KCNIP4: variants seen among roughly 807,000 people sequenced by gnomAD.
KCNIP4 encodes Kv channel-interacting protein 4.
Under a neutral mutation model 34.0 loss-of-function variants are expected in KCNIP4, and 12 were observed. That is an observed-to-expected ratio of 0.35 (90% CI 0.23 to 0.57). The LOEUF is 0.57. KCNIP4 is among the 20% of genes least tolerant of loss of function. KCNIP4 has a pLI of 0.83. For synonymous variants in KCNIP4, 124 were observed against 102.2 expected, an observed-to-expected ratio of 1.21 and a Z score of -1.29; for missense variants, 238 against 311.7, an observed-to-expected ratio of 0.76 and a Z score of 1.78.
chr4:21,071,604 G>A (rs997066980), intron 1 of KCNIP4, among the ~76,000 whole-genome samples: 6 of 152,026 alleles, frequency 3.9e-5, no homozygotes. Flanking sequence ...TTGTCTATGT[G>A]TATATATATC....
chr4:21,203,078 T>C (rs1756602590), intron 1 of KCNIP4, among the ~76,000 whole-genome samples: 1 of 152,224 alleles, frequency 6.6e-6, no homozygotes, highest in Non-Finnish European at 1.5e-5. Flanking sequence ...GTGCACACTT[T>C]TGTGCAATTC....
At chr4:20,746,602 A>G (rs1275632640) in intron 5 of KCNIP4, among the ~76,000 whole-genome samples, 1 of 152,174 alleles carries the variant, frequency 6.6e-6, no homozygotes, top group Non-Finnish European at 1.5e-5. Context: ...CCAGACACAG[A>G]GCCAAGCCCT....
At chr4:20,743,642 C>G (rs1751711141) in intron 5 of KCNIP4, among the ~76,000 whole-genome samples, 1 of 152,064 alleles carries the variant, frequency 6.6e-6, no homozygotes, top group South Asian at 2.1e-4. Context: ...AAGACTTAAA[C>G]ATTAGACCTA....
At chr4:21,038,254 C>G (rs532177732) in intron 1 of KCNIP4, among the ~76,000 whole-genome samples, 1 of 152,318 alleles carries the variant, frequency 6.6e-6, no homozygotes, top group Non-Finnish European at 1.5e-5. Flanking sequence ...GGATTACAGG[C>G]GTGAGCCACC....
chr4:20,979,283 G>A (rs1735802038), intron 1 of KCNIP4, among the ~76,000 whole-genome samples: 1 of 152,068 alleles, frequency 6.6e-6, no homozygotes, highest in Non-Finnish European at 1.5e-5. Context: ...AACTGGAAAC[G>A]GACAGTTCTC....
intron 3 of KCNIP4, among the ~76,000 whole-genome samples, chr4:20,793,867 G>T (rs1713096213): frequency 1.3e-5 from 2 of 151,772 alleles, no homozygotes; most frequent in Admixed American, 1.3e-4. Flanking sequence ...ATATGGTTTG[G>T]CTGTGTCCCC....
At chr4:20,971,108 C>A (rs976781585) in intron 1 of KCNIP4, among the ~76,000 whole-genome samples, 3 of 152,254 alleles carry the variant, frequency 2.0e-5, no homozygotes, top group African/African-American at 7.2e-5. Context: ...AGCATTCATA[C>A]TTCAAAGAAA....
At chr4:20,970,162 C>T (rs915261524) in intron 1 of KCNIP4, among the ~76,000 whole-genome samples, 3 of 151,994 alleles carry the variant, frequency 2.0e-5, no homozygotes, top group Non-Finnish European at 2.9e-5. Context: ...AGGATGGTCT[C>T]GATCTCCTGA....
intron 1 of KCNIP4, among the ~76,000 whole-genome samples, chr4:21,688,183 A>C (rs28578959): frequency 7.9e-5 from 12 of 152,286 alleles, no homozygotes; most frequent in African/African-American, 2.4e-4. Context: ...TGGTTAATTA[A>C]GTATTACCGG....
intron 1 of KCNIP4, among the ~76,000 whole-genome samples, chr4:21,743,648 G>A (rs577336881): frequency 4.4e-4 from 66 of 150,640 alleles, no homozygotes; most frequent in Admixed American, 8.6e-4. Flanking sequence ...TTTTTTGTAG[G>A]GGGAGGGGGG....
chr4:21,633,196 T>C (rs1391197077), intron 1 of KCNIP4, among the ~76,000 whole-genome samples: 1 of 152,194 alleles, frequency 6.6e-6, no homozygotes, highest in Admixed American at 6.5e-5. Context: ...ATGTAAGGCA[T>C]CTATGTTTAC....
chr4:20,826,552 G>A (rs1232701322), intron 3 of KCNIP4, among the ~76,000 whole-genome samples: 1 of 151,908 alleles, frequency 6.6e-6, no homozygotes, highest in Admixed American at 6.6e-5. Flanking sequence ...CCACTGTACT[G>A]CACTCCAGCC....
At chr4:21,636,290 T>TAA (rs369967095) in intron 1 of KCNIP4, among the ~76,000 whole-genome samples, 2,256 of 126,764 alleles carry the variant, frequency 0.018, 20 homozygotes, top group Non-Finnish European at 0.025. Flanking sequence ...TAAAGTATAA[T>TAA]AAAAAAAAAG....
chr4:21,668,899 T>C (rs1322521782), intron 1 of KCNIP4, among the ~76,000 whole-genome samples: 1 of 152,122 alleles, frequency 6.6e-6, no homozygotes, highest in South Asian at 2.1e-4. Context: ...CACTTGCGGA[T>C]TGTTTTCAAT....
chr4:21,035,772 C>T (rs939215090), intron 1 of KCNIP4, among the ~76,000 whole-genome samples: 3 of 152,154 alleles, frequency 2.0e-5, no homozygotes, highest in African/African-American at 7.2e-5. Flanking sequence ...CTTTTGCTGC[C>T]TTGCTAAGCT....
intron 3 of KCNIP4, among the ~76,000 whole-genome samples, chr4:20,807,131 C>G (rs1024489298): frequency 9.9e-5 from 15 of 152,134 alleles, no homozygotes; most frequent in Non-Finnish European, 1.8e-4. Flanking sequence ...AACTGTGAAA[C>G]CTTCCTTTGT....
intron 1 of KCNIP4, among the ~76,000 whole-genome samples, chr4:20,975,560 C>G (rs147713271): frequency 9.2e-5 from 14 of 152,208 alleles, no homozygotes; most frequent in Middle Eastern, 3.4e-3. Flanking sequence ...ATTGAAAAAA[C>G]GCATGTGTTA....
chr4:21,674,872 G>A (rs1749770393), intron 1 of KCNIP4, among the ~76,000 whole-genome samples: 1 of 151,930 alleles, frequency 6.6e-6, no homozygotes, highest in Non-Finnish European at 1.5e-5. Context: ...AAATAAATTA[G>A]TTTTAGTGAA....
chr4:20,996,204 G>A (rs556051465), intron 1 of KCNIP4, among the ~76,000 whole-genome samples: 15 of 152,276 alleles, frequency 9.9e-5, no homozygotes, highest in East Asian at 3.9e-4. Flanking sequence ...TAACATAGCC[G>A]TAGGCCCAAG....
Sources: gnomAD v4.1 joint callset for allele counts (sites outside exome capture counted in the v4.1 genomes callset) on GRCh38, gnomAD v4.1.1 for gene constraint, MANE v1.5 for transcripts, NCBI Gene and HGNC (gene_info 2026-07-23, HGNC 2026-07-21) for gene names.